LIN7A: variants seen among roughly 807,000 people sequenced by gnomAD.
LIN7A encodes lin-7 cell polarity scaffold A, also known as protein lin-7 homolog A.
LIN7A carries 25 observed loss-of-function variants against 29.8 expected under a neutral mutation model. The ratio of observed to expected loss-of-function variants is 0.84; its 90% CI spans 0.61 to 1.17. The LOEUF (loss-of-function observed/expected upper bound fraction) is 1.17. LIN7A is among the 50% of genes most tolerant of loss of function. The pLI is 0.00. For synonymous variants in LIN7A, 118 were observed against 107.5 expected (o/e 1.10, Z -0.60); for missense variants, 239 against 287.0 (o/e 0.83, Z 1.21).
chr12:80,797,910 A>G (rs187736292), intron 5 of LIN7A, among the ~76,000 whole-genome samples, 184 bp from the exon 6 acceptor site: 1 of 152,250 alleles, frequency 6.6e-6, no homozygotes, highest in African/African-American at 2.4e-5. Flanking sequence ...GGAAGTAATT[A>G]TCAAATGAGG....
chr12:80,829,171 A>C lies in LIN7A; in HGVS notation c.483+16559T>G, dbSNP rs1872225196. Among the ~76,000 whole-genome samples, 4 of 152,312 alleles carry C rather than the reference A, an allele frequency of 2.6e-5. No individual in the cohort carries two copies. The South Asian group carries it at 8.3e-4, about 32-fold the overall frequency. ...GTAGTTTGGGCAAAATAAGTCCCCC[A>C]AAACAAAAGCAAAAATCCCTACAAC... is the stretch of plus-strand genomic sequence containing the variant. On this transcript the variant is annotated intron_variant, in intron 4 of 5. Coordinates refer to ENST00000552864, the MANE Select transcript of LIN7A (RefSeq NM_004664.4).
chr12:80,845,465 T>C (rs1192125950), intron 4 of LIN7A: 1 of 363,686 alleles, frequency 2.7e-6, no homozygotes, highest in African/African-American at 2.1e-5. Context: ...CTTGGAGTAT[T>C]ATGGGAAGAA....
intron 4 of LIN7A, 34 bp downstream of exon 4, chr12:80,845,696 A>C (rs1364541345): frequency 6.4e-7 from 1 of 1,558,216 alleles, no homozygotes; most frequent in South Asian, 1.2e-5. Flanking sequence ...GAATGTGCTT[A>C]AGGAGAAAAT....
rs549493123 is a variant in LIN7A, at chr12:80,898,447, G to T, written c.83-9078C>A. 2.0e-5 allele frequency among the ~76,000 whole-genome samples: 3 copies of T among 151,976 alleles called. No individual in the cohort carries two copies. The East Asian group carries it at 5.8e-4, about 29-fold the overall frequency. ...GCTTTTTTGTTTTTTGTTTTGTTTA[G>T]CATTGCCTTGGCTATTTGGGCTCTT... On this transcript the variant is annotated intron_variant, in intron 1 of 5. Transcript: ENST00000552864.
At chr12:80,937,520 C>G in intron 1 of LIN7A, 121 bp downstream of exon 1, 2 of 605,504 alleles carry the variant, frequency 3.3e-6, no homozygotes, top group South Asian at 4.0e-5. Flanking sequence ...CTTCCTGGCT[C>G]GTCCTCGTTC....
At chr12:80,870,629 T>A (rs148785637) in intron 2 of LIN7A, among the ~76,000 whole-genome samples, 28 of 152,304 alleles carry the variant, frequency 1.8e-4, no homozygotes, top group African/African-American at 6.3e-4. Flanking sequence ...ACCTTCTATA[T>A]GTTTGGTACC....
intron 1 of LIN7A, among the ~76,000 whole-genome samples, chr12:80,902,165 T>TA (rs1350490641): frequency 2.6e-5 from 4 of 152,008 alleles, no homozygotes; most frequent in African/African-American, 9.6e-5. Context: ...CAGACGATTG[T>TA]AGGTGTGTGG....
chr12:80,923,150 T>C (rs1157770031), intron 1 of LIN7A, among the ~76,000 whole-genome samples: 2 of 152,200 alleles, frequency 1.3e-5, no homozygotes, highest in Non-Finnish European at 2.9e-5. Flanking sequence ...CTTGCACTCT[T>C]TCTACCGGAG....
intron 1 of LIN7A, among the ~76,000 whole-genome samples, chr12:80,906,563 C>A (rs1036074681): frequency 1.3e-5 from 2 of 151,942 alleles, no homozygotes; most frequent in Non-Finnish European, 2.9e-5. Context: ...TTTCTAAGAA[C>A]CACACTTTGT....
intron 2 of LIN7A, among the ~76,000 whole-genome samples, chr12:80,876,608 A>G (rs1874714855): frequency 1.3e-5 from 2 of 152,210 alleles, no homozygotes; most frequent in African/African-American, 2.4e-5. Context: ...AGAAAAAGAA[A>G]CACATATGGC....
intron 4 of LIN7A, among the ~76,000 whole-genome samples, chr12:80,839,057 G>T (rs771175020): frequency 3.9e-5 from 6 of 152,144 alleles, no homozygotes; most frequent in Non-Finnish European, 8.8e-5. Flanking sequence ...ACTATCTTTA[G>T]AAGTGGTTTT....
intron 2 of LIN7A, among the ~76,000 whole-genome samples, chr12:80,872,714 A>G (rs1241440025): frequency 6.6e-6 from 1 of 152,226 alleles, no homozygotes; most frequent in East Asian, 1.9e-4. Flanking sequence ...TAATTTACTC[A>G]GTTAATGTCT....
chr12:80,902,124 A>G (rs1007923400), intron 1 of LIN7A, among the ~76,000 whole-genome samples: 3 of 151,340 alleles, frequency 2.0e-5, no homozygotes, highest in Admixed American at 6.6e-5. Context: ...TCTTTCCCCC[A>G]TTGCTTGTTT....
At chr12:80,928,247 A>T (rs1485076200) in intron 1 of LIN7A, among the ~76,000 whole-genome samples, 1 of 152,124 alleles carries the variant, frequency 6.6e-6, no homozygotes, top group African/African-American at 2.4e-5. Context: ...TGGGTCAAAT[A>T]GCATTTCTAG....
chr12:80,869,232 G>T (rs184972264), intron 2 of LIN7A, among the ~76,000 whole-genome samples: 2 of 151,816 alleles, frequency 1.3e-5, no homozygotes, highest in African/African-American at 4.8e-5. Context: ...CAAATGAACA[G>T]AATTCTAGGC....
chr12:80,848,258 G>A lies in LIN7A; in HGVS notation c.266C>T (p.Thr89Ile). The change falls in exon 3 of 6, where the codon ACA becomes ATA. Residue 89 changes from threonine to isoleucine, a missense_variant. Coordinates refer to ENST00000552864, the MANE Select transcript of LIN7A (RefSeq NM_004664.4). ...AAGTTACTCAAGCCTTACCTTTGCT[G>A]TTGCCCTCGCACGGAATTCGGGACA... ...NGCPEFRARA[T>I]AKATVAAFAA... The A allele has an allele frequency of 6.2e-7, 1 of 1,612,322 alleles. No individual in the cohort carries two copies. Among genetic ancestry groups the A allele is most frequent in the Non-Finnish European group, 8.5e-7 (1 of 1,178,566 alleles).
intron 2 of LIN7A, chr12:80,861,645 C>T (rs1267556740): frequency 6.6e-6 from 1 of 152,336 alleles, no homozygotes; most frequent in Admixed American, 6.5e-5. Flanking sequence ...CTTAATTAGT[C>T]AACACTGATG....
intron 5 of LIN7A, among the ~76,000 whole-genome samples, chr12:80,807,081 T>TTTTTTGTTTG (rs1565883904): frequency 2.2e-5 from 3 of 135,582 alleles, no homozygotes; most frequent in Non-Finnish European, 1.5e-5. Context: ...TTTTTTTTTT[T>TTTTTTGTTTG]TTTTTTTTTT....
intron 4 of LIN7A, among the ~76,000 whole-genome samples, chr12:80,836,874 G>T (rs1872608330): frequency 6.6e-6 from 1 of 151,600 alleles, no homozygotes. Context: ...AAAAAGGACT[G>T]AAAAATATCT....
Sources: gnomAD v4.1 joint callset for allele counts (sites outside exome capture counted in the v4.1 genomes callset) on GRCh38, gnomAD v4.1.1 for gene constraint, MANE v1.5 for transcripts, NCBI Gene and HGNC (gene_info 2026-07-23, HGNC 2026-07-21) for gene names.